Variants in NAB1 observed in about 807,000 individuals in gnomAD.
NAB1 encodes the protein NGFI-A binding protein 1, also known as NGFI-A-binding protein 1.
NAB1 carries 25 observed loss-of-function variants against 49.9 expected under a neutral mutation model. That is an observed-to-expected ratio of 0.50 (90% CI 0.37 to 0.70). NAB1 has a LOEUF of 0.70. NAB1 is among the 30% of genes least tolerant of loss of function. The pLI, the probability that NAB1 is intolerant of heterozygous loss-of-function variation, is 0.00. For missense variants in NAB1, 489 were observed against 575.9 expected (o/e 0.85, Z 1.54); for synonymous variants, 198 against 215.6 (o/e 0.92, Z 0.71).
chr2:190,687,299 G>A lies in NAB1; in HGVS notation c.1357G>A (p.Ala453Thr). The A allele has an allele frequency of 1.3e-6, 2 of 1,589,358 alleles. No individual in the cohort carries two copies. Among genetic ancestry groups the A allele is most frequent in the South Asian group, 1.1e-5 (1 of 86,992 alleles). The change falls in exon 9 of 10, where the codon GCA becomes ACA. Residue 453 changes from alanine to threonine, a missense_variant. Transcript: ENST00000337386. ...GCTGAGCAGACTTTACCCCAGTGAG[G>A]CAAAGTCCCACTCATCAGGTGAGAA... ...GELSRLYPSE[A>T]KSHSSESLGI...
In NAB1 at chr2:190,659,749, GGAT is replaced by G; in HGVS notation, c.575_577del (p.Asp192del). 1 of 1,614,068 alleles carries G rather than the reference GGAT, an allele frequency of 6.2e-7. No homozygotes were observed. Among genetic ancestry groups the G allele is most frequent in the Non-Finnish European group, 8.5e-7 (1 of 1,179,958 alleles). ...CCCCAAAGGAGAGCAGTGAGGCGCT[GGAT>G]GCTGCTGCTGCGCTCTCTGTGGCTG... is the stretch of plus-strand genomic sequence containing the variant. On this transcript the variant is annotated inframe_deletion, in exon 4 of 10. Transcript: ENST00000337386. This position sits in a 1 kb window ranked among gnomAD's most constrained non-coding sequence, Gnocchi z 6.2.
chr2:190,668,085 T>TAA (rs1321215631), intron 4 of NAB1, among the ~76,000 whole-genome samples: 1 of 152,172 alleles, frequency 6.6e-6, no homozygotes, highest in African/African-American at 2.4e-5. Context: ...GGTAAAGTTT[T>TAA]AAAAAGATAA....
rs1269503945 is a variant in NAB1, at chr2:190,657,088, A to AGGTGTAT, written c.-20+937_-20+943dup. On this transcript the variant is annotated intron_variant, in intron 3 of 9. Coordinates refer to ENST00000337386, the MANE Select transcript of NAB1 (RefSeq NM_005966.4). This position sits in a 1 kb window ranked among gnomAD's most constrained non-coding sequence, Gnocchi z 4.4. ...TGAAAGCCTATGGAGGAATTGCACG[A>AGGTGTAT]GGTGTATGATAGGAAAGTAAATGTC... Among the ~76,000 whole-genome samples the AGGTGTAT allele has an allele frequency of 6.6e-6, 1 of 152,184 alleles. No individual in the cohort carries two copies. The highest frequency in any genetic ancestry group is 2.4e-5 in the African/African-American group (1 of 41,434).
At position 190,659,958 on chromosome 2, in the gene NAB1, CAA is replaced by C. The variant is rs764864704; in HGVS notation, c.784_785del (p.Lys262GlufsTer11). ...AGTGCAATATATGGCAGATTTGACT[CAA>C]AGAGGAAGGATGGGAAACATCTCAC... On this transcript the variant is annotated frameshift_variant, in exon 4 of 10. Transcript: ENST00000337386. LOFTEE classifies it high-confidence loss of function. This position sits in a 1 kb window ranked among gnomAD's most constrained non-coding sequence, Gnocchi z 6.2. 5 of 1,613,658 alleles carry C rather than the reference CAA, an allele frequency of 3.1e-6. No individual in the cohort carries two copies. The highest frequency in any genetic ancestry group is 4.2e-6 in the Non-Finnish European group (5 of 1,179,718).
At position 190,658,823 on chromosome 2, in the gene NAB1, C is replaced by A. The variant is rs115131015; in HGVS notation, c.-19-335C>A. On this transcript the variant is annotated intron_variant, in intron 3 of 9. Coordinates refer to ENST00000337386, the MANE Select transcript of NAB1 (RefSeq NM_005966.4). ...CTTACCTCCTGCTAAATTTGACTATCTTTCACTCCACCTGCGTCCAAACCT... is the reference window on the plus strand; with the variant it reads ...CTTACCTCCTGCTAAATTTGACTATATTTCACTCCACCTGCGTCCAAACCT... Among the ~76,000 whole-genome samples, 877 of 152,340 alleles carry A rather than the reference C, an allele frequency of 5.8e-3. 16 individuals carry two copies. Among genetic ancestry groups the A allele is most frequent in the African/African-American group, 0.02 (829 of 41,580 alleles).
rs990389040 is a variant in NAB1, at chr2:190,681,200, A to G, written c.1006-2538A>G. ...GCTTTGAAGCTAGCGTTGTAGCTGT[A>G]AAAAAAAGGAAACCCAGTCTTGTCT... On this transcript the variant is annotated intron_variant, in intron 6 of 9. Coordinates refer to ENST00000337386, the MANE Select transcript of NAB1 (RefSeq NM_005966.4). 3.0e-4 allele frequency among the ~76,000 whole-genome samples: 46 copies of G among 151,130 alleles called. No homozygotes were observed. In the South Asian group the frequency reaches 3.7e-3, roughly 12 times the overall value.
chr2:190,679,331 C>T lies in NAB1; in HGVS notation c.1006-4407C>T, dbSNP rs1695217733. ...TTGTAGTTTTTCCATCCACAGTGAA[C>T]TGTCAAGACTGTAGGAGTAAATAAT... On this transcript the variant is annotated intron_variant, in intron 6 of 9. Transcript: ENST00000337386. The surrounding 1 kb of genome is among the most constrained non-coding windows in gnomAD (Gnocchi z 5.3). Among the ~76,000 whole-genome samples, 1 of 152,244 alleles carries T rather than the reference C, an allele frequency of 6.6e-6. No homozygotes were observed. The highest frequency in any genetic ancestry group is 1.5e-5 in the Non-Finnish European group (1 of 68,038).
intron 4 of NAB1, among the ~76,000 whole-genome samples, chr2:190,660,975 C>G (rs989918488): frequency 6.7e-6 from 1 of 149,986 alleles, no homozygotes; most frequent in Non-Finnish European, 1.5e-5. Flanking sequence ...GGGGGTCTCA[C>G]TCTGTCACGC....
In NAB1 at chr2:190,669,805, T is replaced by C. The variant is rs1399242917; in HGVS notation, c.820-521T>C. 2.6e-5 allele frequency among the ~76,000 whole-genome samples: 4 copies of C among 152,222 alleles called. No homozygotes were observed. Among genetic ancestry groups the C allele is most frequent in the Non-Finnish European group, 4.4e-5 (3 of 68,018 alleles). ...GGATCTTAGAGATTAGTCCAACACC[T>C]TGATTTTCCAATATAGCCCTAGTAT... On this transcript the variant is annotated intron_variant, in intron 4 of 9. Transcript: ENST00000337386. The surrounding 1 kb of genome is among the most constrained non-coding windows in gnomAD (Gnocchi z 4.3).
Position 190,665,392 on chromosome 2 carries a change from A to G in NAB1, c.820-4934A>G, listed in dbSNP as rs539249493. On this transcript the variant is annotated intron_variant, in intron 4 of 9. Coordinates refer to ENST00000337386, the MANE Select transcript of NAB1 (RefSeq NM_005966.4). Reference sequence around the variant, plus strand: ...ACTTTTAAAATCTTGTTTCTGTCCAATTCTCCTCTCCTGATTCTCAAGTTT... The same window carrying G: ...ACTTTTAAAATCTTGTTTCTGTCCAGTTCTCCTCTCCTGATTCTCAAGTTT... 1.5e-3 allele frequency among the ~76,000 whole-genome samples: 220 copies of G among 151,610 alleles called. 1 individual carries two copies. The highest frequency in any genetic ancestry group is 4.9e-3 in the African/African-American group (204 of 41,400).
At chr2:190,668,962 A>G (rs538386291) in intron 4 of NAB1, among the ~76,000 whole-genome samples, 2 of 152,376 alleles carry the variant, frequency 1.3e-5, no homozygotes, top group African/African-American at 4.8e-5. Context: ...ATAATAAAGT[A>G]GGACAATTAG....
Position 190,670,536 on chromosome 2 carries a change from A to C in NAB1, c.953+77A>C. The C allele has an allele frequency of 7.0e-7, 1 of 1,435,858 alleles. No individual in the cohort carries two copies. The highest frequency in any genetic ancestry group is 1.3e-5 in the South Asian group (1 of 79,192). The allele number at this position is 1,435,858 out of a possible 1,614,324, so 88.9% of individuals were successfully genotyped here. A position where few individuals can be genotyped will look rare whatever the true frequency, so the allele number is the denominator to read the frequency against. ...GTTCGAAACATCATCTATTGATAGAATATAAGCATTTCTGAAAAAGTGGAA... is the reference window on the plus strand; with the variant it reads ...GTTCGAAACATCATCTATTGATAGACTATAAGCATTTCTGAAAAAGTGGAA... On this transcript the variant is annotated intron_variant, in intron 5 of 9. Transcript: ENST00000337386. This position sits in a 1 kb window ranked among gnomAD's most constrained non-coding sequence, Gnocchi z 5.3.
At chr2:190,664,318 T>C (rs1009449189) in intron 4 of NAB1, among the ~76,000 whole-genome samples, 1 of 152,050 alleles carries the variant, frequency 6.6e-6, no homozygotes, top group Non-Finnish European at 1.5e-5. Context: ...AGCTCTCTTT[T>C]TGTTAGTCAT....
rs1695916830 is a variant in NAB1 at position 190,691,012 on chromosome 2, G to T, written c.*679G>T. 6.6e-6 allele frequency: 1 copy of T among 152,544 alleles called. No homozygotes were observed. The highest frequency in any genetic ancestry group is 1.5e-5 in the Non-Finnish European group (1 of 67,970). The allele number at this position is 152,544 out of a possible 1,614,324, so 9.4% of individuals were successfully genotyped here. On this transcript the variant is annotated 3_prime_UTR_variant, in exon 10 of 10. Coordinates refer to ENST00000337386, the MANE Select transcript of NAB1 (RefSeq NM_005966.4). The surrounding 1 kb of genome is among the most constrained non-coding windows in gnomAD (Gnocchi z 4.1). ...TACTTGAGTGGAGGAAAGTTAAAAAGATGAGCAATAGAGTAGAAAATATAT... is the reference window on the plus strand; with the variant it reads ...TACTTGAGTGGAGGAAAGTTAAAAATATGAGCAATAGAGTAGAAAATATAT...
At position 190,669,566 on chromosome 2, in the gene NAB1, A is replaced by G. The variant is rs1574448930; in HGVS notation, c.820-760A>G. On this transcript the variant is annotated intron_variant, in intron 4 of 9. Transcript: ENST00000337386. The surrounding 1 kb of genome is among the most constrained non-coding windows in gnomAD (Gnocchi z 4.3). ...GCTAATCATCATGCCTTGGCTAAGT[A>G]CATCTTTTGCATATTAAAAAAGTCT... is the stretch of plus-strand genomic sequence containing the variant. Among the ~76,000 whole-genome samples the G allele has an allele frequency of 6.6e-6, 1 of 152,184 alleles. No homozygotes were observed. Among genetic ancestry groups the G allele is most frequent in the East Asian group, 1.9e-4 (1 of 5,204 alleles).
Position 190,680,720 on chromosome 2 carries a change from G to T in NAB1, c.1006-3018G>T, listed in dbSNP as rs996204602. 6.6e-6 allele frequency among the ~76,000 whole-genome samples: 1 copy of T among 152,206 alleles called. No individual in the cohort carries two copies. The highest frequency in any genetic ancestry group is 1.5e-5 in the Non-Finnish European group (1 of 68,040). ...TCTCTGGTTGATTTTAGTATTAAAT[G>T]TTGAGTTCTTCCTTCTCTAAGATGT... is the stretch of plus-strand genomic sequence containing the variant. On this transcript the variant is annotated intron_variant, in intron 6 of 9. Coordinates refer to ENST00000337386, the MANE Select transcript of NAB1 (RefSeq NM_005966.4). This position sits in a 1 kb window ranked among gnomAD's most constrained non-coding sequence, Gnocchi z 5.2.
In NAB1 at chr2:190,673,081, T is replaced by C. The variant is rs111931434; in HGVS notation, c.954-20T>C. On this transcript the variant is annotated intron_variant, in intron 5 of 9. Coordinates refer to ENST00000337386, the MANE Select transcript of NAB1 (RefSeq NM_005966.4). ...TACTTTCTCAAGTTTTTTTTTTTTT[T>C]TCTCTCCCCTTTCCCTTAGGTCAAA... 2.8e-5 allele frequency: 44 copies of C among 1,596,206 alleles called. No homozygotes were observed. The East Asian group carries it at 3.4e-4, about 12-fold the overall frequency.
Position 190,652,611 on chromosome 2 carries a change from A to G in NAB1, c.-197+2629A>G, listed in dbSNP as rs1321665639. Among the ~76,000 whole-genome samples the G allele has an allele frequency of 2.6e-5, 4 of 152,246 alleles. No homozygotes were observed. Among genetic ancestry groups the G allele is most frequent in the Admixed American group, 6.5e-5 (1 of 15,284 alleles). ...CAGAATTTAGAAACGAATCAATAAGAGACAACATTTTAAGTTTCCCAAATT... is the reference window on the plus strand; with the variant it reads ...CAGAATTTAGAAACGAATCAATAAGGGACAACATTTTAAGTTTCCCAAATT... On this transcript the variant is annotated intron_variant, in intron 2 of 9. Coordinates refer to ENST00000337386, the MANE Select transcript of NAB1 (RefSeq NM_005966.4). The surrounding 1 kb of genome is among the most constrained non-coding windows in gnomAD (Gnocchi z 4.2).
At chr2:190,658,980 A>G (rs1694076552) in intron 3 of NAB1, 178 bp from the exon 4 acceptor site, 2 of 532,786 alleles carry the variant, frequency 3.8e-6, no homozygotes, top group South Asian at 2.9e-5. Context: ...TTACTGACCT[A>G]TAAGGTTTTT....
Sources: gnomAD v4.1 joint callset for allele counts (sites outside exome capture counted in the v4.1 genomes callset) on GRCh38, gnomAD v4.1.1 for gene constraint, Gnocchi (gnomAD v3.1) non-coding constraint, MANE v1.5 for transcripts, NCBI Gene and HGNC (gene_info 2026-07-23, HGNC 2026-07-21) for gene names.